Variants in ASH1L observed in about 807,000 individuals in gnomAD.
ASH1L encodes ASH1 like histone lysine methyltransferase.
Under a neutral mutation model 269.0 loss-of-function variants are expected in ASH1L, and 23 were observed. That is an observed-to-expected ratio of 0.09 (90% CI 0.06 to 0.12). The LOEUF (loss-of-function observed/expected upper bound fraction) is 0.12, where lower values mean the gene tolerates loss of function less well. ASH1L is among the 10% of genes least tolerant of loss of function. The probability of loss-of-function intolerance (pLI) is 1.00; values close to 1 mark genes in which losing one functional copy is unlikely to be tolerated. For synonymous variants in ASH1L, 1,187 were observed against 1,253.5 expected (o/e 0.95, Z 1.12); for missense variants, 2,912 against 3,567.8 (o/e 0.82, Z 4.68).
At chr1:155,433,450 G>A (rs1410228939) in intron 5 of ASH1L, 1 of 1,610,348 alleles carries the variant, frequency 6.2e-7, no homozygotes, top group Admixed American at 1.7e-5. Flanking sequence ...AAGGCGGCTT[G>A]GAGACCTCTC....
chr1:155,529,214 C>T (rs1462404506), intron 1 of ASH1L, among the ~76,000 whole-genome samples: 4 of 152,130 alleles, frequency 2.6e-5, no homozygotes, highest in African/African-American at 7.2e-5. Flanking sequence ...TACCCAGTAA[C>T]GGGACTGCTG....
intron 4 of ASH1L, among the ~76,000 whole-genome samples, chr1:155,454,169 TACTC>T (rs1278026047): frequency 6.6e-6 from 1 of 152,340 alleles, no homozygotes; most frequent in East Asian, 1.9e-4. Context: ...CTTATCCACT[TACTC>T]TAATTCCCAC....
At chr1:155,347,543 T>A in intron 20 of ASH1L, 113 bp downstream of exon 20, 2 of 1,361,458 alleles carry the variant, frequency 1.5e-6, no homozygotes, top group South Asian at 2.7e-5. Context: ...AAGGCTAAGT[T>A]ACAGTTCATA....
At chr1:155,372,973 G>C (rs371957811) in intron 10 of ASH1L, among the ~76,000 whole-genome samples, 2 of 152,002 alleles carry the variant, frequency 1.3e-5, no homozygotes, top group Non-Finnish European at 2.9e-5. Context: ...AGCACTTTAG[G>C]GGGCAGAGGC....
At chr1:155,393,373 G>T (rs1658102154) in intron 7 of ASH1L, among the ~76,000 whole-genome samples, 1 of 152,158 alleles carries the variant, frequency 6.6e-6, no homozygotes, top group Non-Finnish European at 1.5e-5. Flanking sequence ...AGTCAAGAGA[G>T]TTAAGAGAAT....
chr1:155,381,549 C>CA (rs879280343), intron 7 of ASH1L, among the ~76,000 whole-genome samples: 40 of 142,756 alleles, frequency 2.8e-4, no homozygotes, highest in Admixed American at 4.3e-4. Context: ...GACTCCGTCT[C>CA]AAAAAAAAAC....
rs1305879639 is a variant in ASH1L, at chr1:155,357,432, T to C, written c.6961-22A>G. ...CTCTCTGAAAAAGAGATGGATCAGA[T>C]TAGAGATTTAAAAAAATATCAGTCA... On this transcript the variant is annotated intron_variant, in intron 14 of 27. Coordinates refer to ENST00000392403, the MANE Select transcript of ASH1L (RefSeq NM_018489.3). 1.9e-6 allele frequency: 3 copies of C among 1,601,658 alleles called. No homozygotes were observed. In the Admixed American group the frequency reaches 5.1e-5, roughly 27 times the overall value.
At chr1:155,338,604 C>A (rs1652511633) in intron 26 of ASH1L, among the ~76,000 whole-genome samples, 1 of 152,124 alleles carries the variant, frequency 6.6e-6, no homozygotes, top group African/African-American at 2.4e-5. Context: ...TTTATTATTT[C>A]TCTTAGGAAT....
intron 3 of ASH1L, among the ~76,000 whole-genome samples, chr1:155,469,275 C>T (rs1664916347): frequency 6.6e-6 from 1 of 152,082 alleles, no homozygotes; most frequent in African/African-American, 2.4e-5. Flanking sequence ...CTCCACTTCC[C>T]AGGTTCAAGC....
At chr1:155,462,821 A>G (rs953752918) in intron 3 of ASH1L, among the ~76,000 whole-genome samples, 5 of 152,236 alleles carry the variant, frequency 3.3e-5, no homozygotes, top group African/African-American at 1.2e-4. Flanking sequence ...ATTTAAAAAG[A>G]ATCAAGTTGT....
At chr1:155,340,372 G>A (rs1652684151) in intron 25 of ASH1L, among the ~76,000 whole-genome samples, 1 of 151,842 alleles carries the variant, frequency 6.6e-6, no homozygotes, top group African/African-American at 2.4e-5. Context: ...TAGTAGAGAT[G>A]GGGTTTCACC....
rs1394185780 is a variant in ASH1L at position 155,349,454 on chromosome 1, G to T, written c.7427C>A (p.Ala2476Asp). ...ATCAGAGATCTTCTCATAATAATCA[G>T]CATTCCTGGAACACAAAGCCAGGGT... is the stretch of plus-strand genomic sequence containing the variant. ...LLNLPPKKKNADYYEKISDPL... is the reference protein window; with the variant it reads ...LLNLPPKKKNDDYYEKISDPL... The change falls in exon 19 of 28, where the codon GCT becomes GAT. Residue 2476 changes from alanine to aspartate, a missense_variant. Ala to Asp is a moderately radical substitution (Grantham distance 126). Coordinates refer to ENST00000392403, the MANE Select transcript of ASH1L (RefSeq NM_018489.3). The T allele has an allele frequency of 6.2e-7, 1 of 1,614,050 alleles. No individual in the cohort carries two copies. The highest frequency in any genetic ancestry group is 8.5e-7 in the Non-Finnish European group (1 of 1,180,008).
intron 1 of ASH1L, among the ~76,000 whole-genome samples, chr1:155,554,798 G>C (rs187822148): frequency 9.8e-4 from 150 of 152,306 alleles, no homozygotes; most frequent in African/African-American, 3.5e-3. Flanking sequence ...TTAGTCAGTG[G>C]AGTGAGGAAT....
At chr1:155,454,963 T>C (rs949736837) in intron 4 of ASH1L, among the ~76,000 whole-genome samples, 1 of 152,118 alleles carries the variant, frequency 6.6e-6, no homozygotes, top group Non-Finnish European at 1.5e-5. Flanking sequence ...ATAAAAGAAC[T>C]ACCTCTCTCA....
In ASH1L at chr1:155,438,650, A is replaced by T. The variant is rs1662293008; in HGVS notation, c.5505T>A (p.Leu1835=). The part of the protein sequence containing the change: ...HVNKILKAKK[L]QRQARTGNNF... ...TATTCCCTGTCCTGGCCTGCCTTTG[A>T]AGTTTTTTGGCTTTTAAGATTTTAT... The change falls in exon 5 of 28, where the codon CTT becomes CTA. Residue 1835 remains leucine (L), a synonymous_variant. Coordinates refer to ENST00000392403, the MANE Select transcript of ASH1L (RefSeq NM_018489.3). The T allele has an allele frequency of 1.2e-6, 2 of 1,614,102 alleles. No individual in the cohort carries two copies. The highest frequency in any genetic ancestry group is 1.7e-6 in the Non-Finnish European group (2 of 1,180,030).
intron 2 of ASH1L, among the ~76,000 whole-genome samples, chr1:155,486,753 ATATTTT>A (rs1313286377): frequency 1.3e-5 from 2 of 152,086 alleles, no homozygotes; most frequent in African/African-American, 4.8e-5. Context: ...TTTGTTTTAA[ATATTTT>A]TAAACATATT....
At chr1:155,552,420 C>T (rs1212302619) in intron 1 of ASH1L, among the ~76,000 whole-genome samples, 4 of 152,250 alleles carry the variant, frequency 2.6e-5, no homozygotes, top group Admixed American at 2.0e-4. Flanking sequence ...GAGCCGAGAT[C>T]GCGCCACTGC....
At chr1:155,358,664 G>C (rs557136853) in intron 13 of ASH1L, 2 of 151,232 alleles carry the variant, frequency 1.3e-5, no homozygotes, top group East Asian at 3.9e-4. Flanking sequence ...CTCTAGCCTG[G>C]GAGACAGAGT....
intron 21 of ASH1L, 54 bp from the exon 22 acceptor site, chr1:155,344,327 A>T (rs1653051741): frequency 1.5e-6 from 2 of 1,316,894 alleles, no homozygotes. Flanking sequence ...CATTCAGCCT[A>T]CTTATTTCTC....
Sources: allele counts gnomAD v4.1 joint callset (sites outside exome capture counted in the v4.1 genomes callset), GRCh38; gene constraint gnomAD v4.1.1; transcripts MANE v1.5; gene names NCBI Gene and HGNC (gene_info 2026-07-23, HGNC 2026-07-21).